The following HHAT variants were observed in gnomAD, a reference collection of about 807,000 sequenced individuals.
The protein encoded by HHAT is hedgehog acyltransferase, also known as protein-cysteine N-palmitoyltransferase HHAT.
HHAT carries 47 observed loss-of-function variants against 70.8 expected under a neutral mutation model. The observed-to-expected ratio is 0.66, with a 90% CI of 0.53 to 0.85. The LOEUF (loss-of-function observed/expected upper bound fraction) is 0.85, where lower values mean the gene tolerates loss of function less well. Ranked by LOEUF, HHAT falls within the 40% of genes least tolerant of loss-of-function variation. The pLI, the probability that HHAT is intolerant of heterozygous loss-of-function variation, is 0.00. For synonymous variants in HHAT, 228 were observed against 247.6 expected (o/e 0.92, Z 0.74); for missense variants, 609 against 604.8 (o/e 1.01, Z -0.07).
At chr1:210,454,003 G>A (rs1220997560) in intron 7 of HHAT, among the ~76,000 whole-genome samples, 3 of 152,182 alleles carry the variant, frequency 2.0e-5, no homozygotes, top group African/African-American at 7.2e-5. Context: ...GCGGTGACAA[G>A]AGAGAAATGA....
chr1:210,609,581 A>G (rs980676122), intron 10 of HHAT, among the ~76,000 whole-genome samples: 2 of 152,120 alleles, frequency 1.3e-5, no homozygotes, highest in Admixed American at 1.3e-4. Flanking sequence ...GATGTGTGCC[A>G]TGGTGGTATG....
At chr1:210,413,760 C>T (rs2092635590) in intron 6 of HHAT, among the ~76,000 whole-genome samples, 1 of 152,110 alleles carries the variant, frequency 6.6e-6, no homozygotes, top group Non-Finnish European at 1.5e-5. Flanking sequence ...ACATTTCCAC[C>T]AACATTCTGT....
At chr1:210,355,756 A>G (rs1011592590) in intron 2 of HHAT, among the ~76,000 whole-genome samples, 1 of 152,222 alleles carries the variant, frequency 6.6e-6, no homozygotes, top group Non-Finnish European at 1.5e-5. Context: ...TTAAAGTAGT[A>G]TATGAAATGT....
At chr1:210,505,189 AT>A (rs1289320800) in intron 8 of HHAT, among the ~76,000 whole-genome samples, 13 of 152,122 alleles carry the variant, frequency 8.5e-5, no homozygotes, top group Non-Finnish European at 1.8e-4. Context: ...ATGAACCACC[AT>A]GCCTGGCCCA....
chr1:210,466,123 G>T (rs527800688), intron 8 of HHAT, among the ~76,000 whole-genome samples: 1 of 148,032 alleles, frequency 6.8e-6, no homozygotes, highest in South Asian at 2.1e-4. Flanking sequence ...GCAAGGAATC[G>T]CAAGGAATGA....
rs1453331607 is a variant in HHAT, at chr1:210,570,124, T to C, written c.1044-17774T>C. Among the ~76,000 whole-genome samples the C allele has an allele frequency of 3.3e-5, 5 of 152,224 alleles. No individual in the cohort carries two copies. In the East Asian group the frequency reaches 9.6e-4, roughly 29 times the overall value. On this transcript the variant is annotated intron_variant, in intron 9 of 11. Transcript: ENST00000261458. ...CCCTGAGCCACCATTAGAGTTTATGTGCTTTGTTCCTAGAAACTTGCACCC... is the reference window on the plus strand; with the variant it reads ...CCCTGAGCCACCATTAGAGTTTATGCGCTTTGTTCCTAGAAACTTGCACCC...
chr1:210,593,115 T>G (rs1662133805), intron 10 of HHAT, among the ~76,000 whole-genome samples: 1 of 152,152 alleles, frequency 6.6e-6, no homozygotes, highest in South Asian at 2.1e-4. Context: ...CACCTATAAG[T>G]GAGAACATGC....
chr1:210,478,542 C>CT (rs1407628908), intron 8 of HHAT, among the ~76,000 whole-genome samples: 23 of 152,140 alleles, frequency 1.5e-4, no homozygotes, highest in African/African-American at 5.1e-4. Flanking sequence ...CTTTAGCAGC[C>CT]TAAGGGTTCT....
At chr1:210,394,587 T>C (rs2091673145) in intron 4 of HHAT, among the ~76,000 whole-genome samples, 1 of 151,596 alleles carries the variant, frequency 6.6e-6, no homozygotes, top group Admixed American at 6.6e-5. Flanking sequence ...GGGTTGAGGG[T>C]GGGTGCTGTT....
intron 9 of HHAT, among the ~76,000 whole-genome samples, chr1:210,516,596 C>A (rs1415736040): frequency 6.6e-6 from 1 of 152,114 alleles, no homozygotes; most frequent in Non-Finnish European, 1.5e-5. Context: ...AAATATACTT[C>A]CCTTTGTAAA....
rs559535306 is a variant in HHAT, at chr1:210,613,089, A to G, written c.1246-10437A>G. Reference sequence around the variant, plus strand: ...GTCTTTTTACTCTGTTAATAGTATCATTTGATGAATAAAAGTTAATTTGGT... The same window carrying G: ...GTCTTTTTACTCTGTTAATAGTATCGTTTGATGAATAAAAGTTAATTTGGT... On this transcript the variant is annotated intron_variant, in intron 10 of 11. Coordinates refer to ENST00000261458, the MANE Select transcript of HHAT (RefSeq NM_018194.6). Among the ~76,000 whole-genome samples, 24 of 147,306 alleles carry G rather than the reference A, an allele frequency of 1.6e-4. 1 individual carries two copies. The highest frequency in any genetic ancestry group is 3.5e-3 in the Middle Eastern group (1 of 286).
intron 9 of HHAT, among the ~76,000 whole-genome samples, chr1:210,545,404 C>T (rs2095474329): frequency 6.6e-5 from 10 of 151,376 alleles, no homozygotes; most frequent in Admixed American, 6.6e-4. Flanking sequence ...TTTCCCTTCA[C>T]AACTCAATTT....
chr1:210,368,885 CT>C (rs1374992898), intron 3 of HHAT, among the ~76,000 whole-genome samples: 1 of 152,042 alleles, frequency 6.6e-6, no homozygotes, highest in Non-Finnish European at 1.5e-5. Context: ...CACGACCAGT[CT>C]GGCCAACATG....
At chr1:210,615,849 TG>T (rs937508760) in intron 10 of HHAT, among the ~76,000 whole-genome samples, 3 of 152,158 alleles carry the variant, frequency 2.0e-5, no homozygotes, top group African/African-American at 7.2e-5. Flanking sequence ...CTGCCCCTAC[TG>T]GGGGGTGCCT....
intron 7 of HHAT, among the ~76,000 whole-genome samples, chr1:210,452,496 ACT>A (rs1558544717): frequency 6.6e-6 from 1 of 151,942 alleles, no homozygotes; most frequent in Non-Finnish European, 1.5e-5. Flanking sequence ...TTTCATCTGT[ACT>A]CTCTCCCGTA....
intron 8 of HHAT, among the ~76,000 whole-genome samples, chr1:210,511,214 C>T (rs566522545): frequency 6.6e-6 from 1 of 152,244 alleles, no homozygotes; most frequent in African/African-American, 2.4e-5. Context: ...ATCAGCTCTC[C>T]CTACAGGTAG....
chr1:210,346,479 T>A (rs1268723442), intron 1 of HHAT, among the ~76,000 whole-genome samples: 1 of 152,208 alleles, frequency 6.6e-6, no homozygotes, highest in East Asian at 1.9e-4. Flanking sequence ...TGAATAGAAA[T>A]GGATAAAGCT....
chr1:210,503,244 G>A (rs1352113887), intron 8 of HHAT, among the ~76,000 whole-genome samples: 2 of 152,198 alleles, frequency 1.3e-5, no homozygotes, highest in Non-Finnish European at 2.9e-5. Flanking sequence ...ACAGGCATGA[G>A]CCACTATGTA....
At chr1:210,556,601 G>A (rs937033469) in intron 9 of HHAT, among the ~76,000 whole-genome samples, 6 of 152,108 alleles carry the variant, frequency 3.9e-5, no homozygotes, top group Admixed American at 1.3e-4. Flanking sequence ...CATCCTTTGG[G>A]CCCAGAGTGG....
Sources: gnomAD v4.1 joint callset for allele counts (sites outside exome capture counted in the v4.1 genomes callset) on GRCh38, gnomAD v4.1.1 for gene constraint, MANE v1.5 for transcripts, NCBI Gene and HGNC (gene_info 2026-07-23, HGNC 2026-07-21) for gene names.